BICDL2: variants seen among roughly 807,000 people sequenced by gnomAD.
BICDL2 encodes the protein BICD family like cargo adaptor 2.
Under a neutral mutation model 56.6 loss-of-function variants are expected in BICDL2, and 62 were observed. That is an observed-to-expected ratio of 1.10 (90% CI 0.89 to 1.35). The LOEUF (loss-of-function observed/expected upper bound fraction) is 1.35, where lower values mean the gene tolerates loss of function less well. Among genes scored for constraint, BICDL2 ranks in the 40% most tolerant of loss-of-function variants. The pLI is 0.00. For missense variants in BICDL2, 808 were observed against 684.5 expected, an observed-to-expected ratio of 1.18 and a Z score of -2.01; for synonymous variants, 358 against 319.8, an observed-to-expected ratio of 1.12 and a Z score of -1.27.
At chr16:3,036,388 A>C (rs1955733459) in intron 1 of BICDL2, 2 of 451,958 alleles carry the variant, frequency 4.4e-6, no homozygotes, top group African/African-American at 4.0e-5. Context: ...GCTGGGGTTC[A>C]GGGGCTCGGG....
chr16:3,027,719 T>C lies in BICDL2; in HGVS notation c.*387A>G, dbSNP rs1461697097. On this transcript the variant is annotated 3_prime_UTR_variant, in exon 10 of 10. Transcript: ENST00000572449. ...AGTGTTTTTCATTTTCTTTTTTTTT[T>C]TTTTTTTACAATAAAGTTTCAGGCT... 11 of 1,540,932 alleles carry C rather than the reference T, an allele frequency of 7.1e-6. No homozygotes were observed. The highest frequency in any genetic ancestry group is 5.6e-5 in the African/African-American group (4 of 71,530).
Position 3,028,416 on chromosome 16 carries a change from G to A in BICDL2, c.1291C>T (p.Leu431=). The A allele has an allele frequency of 6.4e-7, 1 of 1,558,046 alleles. No individual in the cohort carries two copies. The highest frequency in any genetic ancestry group is 1.2e-5 in the South Asian group (1 of 86,376). Residue 431 remains leucine, a synonymous_variant, in exon 9 of 10, where the codon CTG becomes TTG. Coordinates refer to ENST00000572449, the MANE Select transcript of BICDL2 (RefSeq NM_001369667.1). ...ATGGCGCGCAGCAGCTCCCGAGACA[G>A]GGAGTCTCGCTCCAGCGAGACGCGG... ...LNRVSLERDS[L]SRELLRAIRQ...
At chr16:3,034,999 T>C (rs1366704182) in intron 2 of BICDL2, 11 of 579,702 alleles carry the variant, frequency 1.9e-5, no homozygotes, top group African/African-American at 1.5e-4. Context: ...TGTGAGGTAC[T>C]GTGCCCGGCA....
chr16:3,028,952 C>G, intron 7 of BICDL2, 122 bp from the exon 8 acceptor site: 2 of 1,319,484 alleles, frequency 1.5e-6, no homozygotes, highest in Non-Finnish European at 2.0e-6. Flanking sequence ...CCCAGGCAGC[C>G]GTGGCCCTGT....
chr16:3,036,779 C>T, intron 1 of BICDL2, 115 bp downstream of exon 1: 1 of 356,482 alleles, frequency 2.8e-6, no homozygotes, highest in South Asian at 2.0e-5. Context: ...GGTTCCCCGG[C>T]GATCCCGGTT....
At position 3,028,804 on chromosome 16, in the gene BICDL2, C is replaced by T. The variant is rs778464848; in HGVS notation, c.1134G>A (p.Gln378=). The part of the protein sequence containing the change: ...DEISLQQAEL[Q]SLREELQRQK... ...GCCTCTGCAGCTCTTCCCGCAGGGA[C>T]TGCAGCTCTGCCTGCTGCAGCGAGA... The change falls in exon 8 of 10, where the codon CAG becomes CAA. Residue 378 remains glutamine, a synonymous_variant. Coordinates refer to ENST00000572449, the MANE Select transcript of BICDL2 (RefSeq NM_001369667.1). The T allele has an allele frequency of 4.5e-6, 7 of 1,553,958 alleles. No homozygotes were observed. Among genetic ancestry groups the T allele is most frequent in the Non-Finnish European group, 6.1e-6 (7 of 1,150,420 alleles).
rs780251208 is a variant in BICDL2 at position 3,028,432 on chromosome 16, C to G, written c.1275G>C (p.Ser425=). ...CCCGAGACAGGGAGTCTCGCTCCAG[C>G]GAGACGCGGTTGAGCTGCAGGGACA... ...LELSLQLNRV[S]LERDSLSREL... The change falls in exon 9 of 10, where the codon TCG becomes TCC. Residue 425 remains serine, a synonymous_variant. Coordinates refer to ENST00000572449, the MANE Select transcript of BICDL2 (RefSeq NM_001369667.1). 7.7e-6 allele frequency: 12 copies of G among 1,562,060 alleles called. No individual in the cohort carries two copies. The African/African-American group carries it at 1.4e-4, about 18-fold the overall frequency.
rs1436537636 is a variant in BICDL2, at chr16:3,030,477, C to A, written c.734G>T (p.Arg245Met). Residue 245 changes from arginine to methionine, a missense_variant, in exon 5 of 10, where the codon AGG becomes ATG. Arg to Met is a moderately conservative substitution (Grantham distance 91). Coordinates refer to ENST00000572449, the MANE Select transcript of BICDL2 (RefSeq NM_001369667.1). ...CAGGCTGTGCTCCCGCCGCTCCCGC[C>A]TCAGCAGCAGCAACTCCTCGTGGGT... ...QTTHEELLLL[R>M]RERREHSLEL... The A allele has an allele frequency of 1.2e-6, 2 of 1,604,088 alleles. No individual in the cohort carries two copies. Among genetic ancestry groups the A allele is most frequent in the African/African-American group, 2.7e-5 (2 of 74,932 alleles).
chr16:3,035,345 G>T lies in BICDL2; in HGVS notation c.152C>A (p.Ala51Asp), dbSNP rs769371938. 8 of 1,599,580 alleles carry T rather than the reference G, an allele frequency of 5.0e-6. No individual in the cohort carries two copies. Among genetic ancestry groups the T allele is most frequent in the East Asian group, 2.3e-5 (1 of 44,280 alleles). The change falls in exon 2 of 10, where the codon GCC becomes GAC. Residue 51 changes from alanine (A) to aspartate (D), a missense_variant. Physicochemically the swap from Ala to Asp is moderately radical, Grantham distance 126. Coordinates refer to ENST00000572449, the MANE Select transcript of BICDL2 (RefSeq NM_001369667.1). ...TTTCTCCTTCTGCTGCAGCTGCAAGGCTAGGTCCTCGGGCTCCTCAGGCCC... is the reference window on the plus strand; with the variant it reads ...TTTCTCCTTCTGCTGCAGCTGCAAGTCTAGGTCCTCGGGCTCCTCAGGCCC... ...GPGPEEPEDLALQLQQKEKDL... is the reference protein window; with the variant it reads ...GPGPEEPEDLDLQLQQKEKDL...
At position 3,035,253 on chromosome 16, in the gene BICDL2, G is replaced by C; in HGVS notation, c.244C>G (p.Leu82Val). 6.5e-7 allele frequency: 1 copy of C among 1,535,764 alleles called. No homozygotes were observed. Residue 82 changes from leucine to valine, a missense_variant, in exon 2 of 10, where the codon CTG becomes GTG. Leu to Val is a conservative substitution (Grantham distance 32). Coordinates refer to ENST00000572449, the MANE Select transcript of BICDL2 (RefSeq NM_001369667.1). ...AAGTGCTGGGCGCTCAGCGTCTCCA[G>C]CTGCCGCCGCAGCTCTTCATTTCGC... ...LERNEELRRQ[L>V]ETLSAQHLER... is the part of the protein sequence containing the mutation.
Position 3,029,593 on chromosome 16 carries a change from G to A in BICDL2, c.909C>T (p.Leu303=). The change falls in exon 6 of 10, where the codon CTC becomes CTT. Residue 303 remains leucine (L), a synonymous_variant. Transcript: ENST00000572449. ...CGCCCTGGCCCTGGTCGCCGTCGTCGAGGCTGTGGGCCAGTTCTGACTGCA... is the reference window on the plus strand; with the variant it reads ...CGCCCTGGCCCTGGTCGCCGTCGTCAAGGCTGTGGGCCAGTTCTGACTGCA... ...ASLQSELAHS[L]DDGDQGQGAD... 2 of 1,543,422 alleles carry A rather than the reference G, an allele frequency of 1.3e-6. No individual in the cohort carries two copies. Among genetic ancestry groups the A allele is most frequent in the Non-Finnish European group, 1.7e-6 (2 of 1,148,276 alleles).
rs1265409173 is a variant in BICDL2, at chr16:3,027,968, G to C, written c.*138C>G. ...CTGCTCCGGATGAGCCCCTGCTCCC[G>C]ATGAGCCCTTGCCCAGCATCCTGGG... On this transcript the variant is annotated 3_prime_UTR_variant, in exon 10 of 10. Coordinates refer to ENST00000572449, the MANE Select transcript of BICDL2 (RefSeq NM_001369667.1). 1 of 1,264,608 alleles carries C rather than the reference G, an allele frequency of 7.9e-7. No individual in the cohort carries two copies. The highest frequency in any genetic ancestry group is 1.6e-5 in the African/African-American group (1 of 63,250). The allele number at this position is 1,264,608 out of a possible 1,614,324, so 78.3% of individuals were successfully genotyped here. A position where few individuals can be genotyped will look rare whatever the true frequency, so the allele number is the denominator to read the frequency against.
intron 2 of BICDL2, among the ~76,000 whole-genome samples, chr16:3,033,174 G>A (rs1179220419): frequency 6.6e-6 from 1 of 152,050 alleles, no homozygotes; most frequent in Non-Finnish European, 1.5e-5. Flanking sequence ...GCTTGGTGGC[G>A]CACACCTGGA....
At chr16:3,032,825 G>A (rs1222462953) in intron 2 of BICDL2, 1 of 152,254 alleles carries the variant, frequency 6.6e-6, no homozygotes, top group African/African-American at 2.4e-5. Flanking sequence ...AGGGGAGAAA[G>A]GGGTGGTGCT....
Position 3,035,324 on chromosome 16 carries a change from T to C in BICDL2, c.173A>G (p.Glu58Gly), listed in dbSNP as rs754091116. The C allele has an allele frequency of 6.3e-7, 1 of 1,585,768 alleles. No homozygotes were observed. Among genetic ancestry groups the C allele is most frequent in the South Asian group, 1.1e-5 (1 of 87,370 alleles). ...EDLALQLQQK[E>G]KDLLLAAELG... Reference sequence around the variant, plus strand: ...CTCCGCGGCCAACAGCAGGTCTTTCTCCTTCTGCTGCAGCTGCAAGGCTAG... The same window carrying C: ...CTCCGCGGCCAACAGCAGGTCTTTCCCCTTCTGCTGCAGCTGCAAGGCTAG... The change falls in exon 2 of 10, where the codon GAG becomes GGG. Residue 58 changes from glutamate to glycine, a missense_variant. Coordinates refer to ENST00000572449, the MANE Select transcript of BICDL2 (RefSeq NM_001369667.1).
intron 2 of BICDL2, chr16:3,032,728 C>T (rs1187595691): frequency 5.9e-5 from 9 of 152,122 alleles, no homozygotes; most frequent in African/African-American, 2.2e-4. Flanking sequence ...GTGCAAAGTT[C>T]CTGAGGGAAC....
At chr16:3,034,226 G>C (rs1381832156) in intron 2 of BICDL2, among the ~76,000 whole-genome samples, 1 of 152,212 alleles carries the variant, frequency 6.6e-6, no homozygotes, top group African/African-American at 2.4e-5. Context: ...CCAAGATCCA[G>C]AGAGGGCCAG....
chr16:3,029,941 G>A (rs1412923601), intron 5 of BICDL2: 1 of 545,738 alleles, frequency 1.8e-6, no homozygotes, highest in African/African-American at 2.0e-5. Context: ...CTATAGAGCA[G>A]GGCCGCACCT....
In BICDL2 at chr16:3,034,864, C is replaced by A. The variant is rs185274471; in HGVS notation, c.282+351G>T. The A allele has an allele frequency of 1.7e-4, 42 of 243,018 alleles. 1 individual carries two copies. The highest frequency in any genetic ancestry group is 3.1e-4 in the Non-Finnish European group (38 of 123,302). 15.1% of individuals were successfully genotyped at this position (243,018 alleles called of 1,614,324 possible). On this transcript the variant is annotated intron_variant, in intron 2 of 9. Transcript: ENST00000572449. ...GAGTAGCTGAGACTACAGGTGCCAC[C>A]ACCACATCCAGCTAATTTTCTTATT... is the stretch of plus-strand genomic sequence containing the variant.
Sources: gnomAD v4.1 joint callset for allele counts (sites outside exome capture counted in the v4.1 genomes callset) on GRCh38, gnomAD v4.1.1 for gene constraint, MANE v1.5 for transcripts, NCBI Gene and HGNC (gene_info 2026-07-23, HGNC 2026-07-21) for gene names.